Variants in SF1 observed in about 807,000 individuals in gnomAD.
The protein encoded by SF1 is splicing factor 1.
SF1 carries 7 observed loss-of-function variants against 62.5 expected under a neutral mutation model. The ratio of observed to expected loss-of-function variants is 0.11; its 90% CI spans 0.06 to 0.21. The LOEUF (loss-of-function observed/expected upper bound fraction) is 0.21. Ranked by LOEUF, SF1 falls within the 10% of genes least tolerant of loss-of-function variation. The probability of loss-of-function intolerance (pLI) is 1.00; values close to 1 mark genes in which losing one functional copy is unlikely to be tolerated. For missense variants in SF1, 578 were observed against 884.0 expected, an observed-to-expected ratio of 0.65 and a Z score of 4.39; for synonymous variants, 394 against 323.6, an observed-to-expected ratio of 1.22 and a Z score of -2.33.
At position 64,767,735 on chromosome 11, in the gene SF1, C is replaced by T. The variant is rs761350580; in HGVS notation, c.1178G>A (p.Gly393Asp). 4.3e-6 allele frequency: 7 copies of T among 1,612,748 alleles called. No individual in the cohort carries two copies. The highest frequency in any genetic ancestry group is 5.9e-6 in the Non-Finnish European group (7 of 1,179,500). The change falls in exon 10 of 13, where the codon GGC becomes GAC. Residue 393 changes from glycine (G) to aspartate (D), a missense_variant. Around this residue, in one of 7 missense-constraint regions of SF1, gnomAD observed 410 missense variants for 452.4 expected, o/e 0.91. Transcript: ENST00000377390. Reference protein sequence around the residue: ...HGGGPGGPGGGPHSFPHPLPS... With the variant: ...HGGGPGGPGGDPHSFPHPLPS... ...TAATGGGTGTGGGAAGCTGTGGGGG[C>T]CACCTCCGGGCCCACCAGGACCACC...
At chr11:64,777,521 C>T (rs1271398869) in intron 1 of SF1, 3 of 985,388 alleles carry the variant, frequency 3.0e-6, no homozygotes, top group African/African-American at 1.7e-5. Flanking sequence ...AAAACCCTGC[C>T]TTGCTGTAGA....
At chr11:64,767,100 A>G (rs1373630574) in intron 11 of SF1, 21 bp from the exon 12 acceptor site, 1 of 1,605,770 alleles carries the variant, frequency 6.2e-7, no homozygotes, top group South Asian at 1.1e-5. Flanking sequence ...GTGGAGGCAA[A>G]GATGAGGCCT....
intron 2 of SF1, among the ~76,000 whole-genome samples, chr11:64,775,819 C>CAAAT (rs1356216637): frequency 1.3e-5 from 2 of 152,166 alleles, no homozygotes; most frequent in Non-Finnish European, 2.9e-5. Flanking sequence ...AACCTCCCAG[C>CAAAT]AAATAAAACC....
At chr11:64,773,105 G>C (rs1196047474) in intron 3 of SF1, 1 of 1,168,246 alleles carries the variant, frequency 8.6e-7, no homozygotes, top group Non-Finnish European at 1.1e-6. Flanking sequence ...GGCCAAAGCA[G>C]GTACTGAAAA....
intron 3 of SF1, chr11:64,771,551 T>C: frequency 1.0e-6 from 1 of 985,444 alleles, no homozygotes; most frequent in African/African-American, 1.7e-5. Flanking sequence ...AAGGGAACCA[T>C]GTCACACCAC....
At chr11:64,767,881 C>T (rs1443395387) in intron 9 of SF1, 37 bp from the exon 10 acceptor site, 19 of 1,599,596 alleles carry the variant, frequency 1.2e-5, no homozygotes, top group South Asian at 3.4e-5. Flanking sequence ...TCCCTGCCTG[C>T]GCCTCCTAGT....
intron 1 of SF1, chr11:64,778,117 G>A (rs1037623533): frequency 2.5e-5 from 21 of 854,248 alleles, no homozygotes; most frequent in Non-Finnish European, 3.0e-5. Context: ...ACGAGGCGCC[G>A]GGGGACGGTG....
rs892280132 is a variant in SF1, at chr11:64,764,675, C to T, written c.*1143G>A. 1 of 152,438 alleles carries T rather than the reference C, an allele frequency of 6.6e-6. No individual in the cohort carries two copies. Among genetic ancestry groups the T allele is most frequent in the Non-Finnish European group, 1.5e-5 (1 of 68,048 alleles). 9.4% of individuals were successfully genotyped at this position (152,438 alleles called of 1,614,324 possible). A position where few individuals can be genotyped will look rare whatever the true frequency, so the allele number is the denominator to read the frequency against. Reference sequence around the variant, plus strand: ...TTTAGCGCAGTGTTGAATCTAACACCGAAAAAAGCCCAGAGAAATTTCTGC... The same window carrying T: ...TTTAGCGCAGTGTTGAATCTAACACTGAAAAAAGCCCAGAGAAATTTCTGC... On this transcript the variant is annotated 3_prime_UTR_variant, in exon 13 of 13. Transcript: ENST00000377390.
chr11:64,776,768 GA>G, intron 1 of SF1, 142 bp from the exon 2 acceptor site: 1 of 754,748 alleles, frequency 1.3e-6, no homozygotes, highest in Non-Finnish European at 2.1e-6. Context: ...TAAAAAAACA[GA>G]AAACAAACCT....
At chr11:64,766,780 A>G in intron 12 of SF1, 120 bp downstream of exon 12, 1 of 745,746 alleles carries the variant, frequency 1.3e-6, no homozygotes, top group Non-Finnish European at 2.0e-6. Flanking sequence ...TCTGTTTACA[A>G]CCCCAGCAGA....
chr11:64,775,209 G>A (rs1938994394), intron 2 of SF1, among the ~76,000 whole-genome samples: 1 of 151,910 alleles, frequency 6.6e-6, no homozygotes, highest in Non-Finnish European at 1.5e-5. Context: ...ATTCTCTTCT[G>A]TGGAGAACTA....
chr11:64,778,138 C>T (rs1384041648), intron 1 of SF1: 2 of 768,430 alleles, frequency 2.6e-6, no homozygotes, highest in Non-Finnish European at 3.2e-6. Context: ...GCGGTGGAGG[C>T]GGCGGCGGCT....
In SF1 at chr11:64,765,418, A is replaced by G; in HGVS notation, c.*400T>C. ...GCTGCTTTGCCGAACCATCCTGTCCACCAGGGGCGTTGCTGAGGCTGTCTG... is the reference window on the plus strand; with the variant it reads ...GCTGCTTTGCCGAACCATCCTGTCCGCCAGGGGCGTTGCTGAGGCTGTCTG... On this transcript the variant is annotated 3_prime_UTR_variant, in exon 13 of 13. Coordinates refer to ENST00000377390, the MANE Select transcript of SF1 (RefSeq NM_004630.4). The G allele has an allele frequency of 6.7e-7, 1 of 1,494,804 alleles. No homozygotes were observed. Among genetic ancestry groups the G allele is most frequent in the Non-Finnish European group, 9.3e-7 (1 of 1,071,442 alleles). 92.6% of individuals were successfully genotyped at this position (1,494,804 alleles called of 1,614,324 possible). A position where few individuals can be genotyped will look rare whatever the true frequency, so the allele number is the denominator to read the frequency against.
At chr11:64,773,786 A>C (rs1388776918) in intron 2 of SF1, among the ~76,000 whole-genome samples, 1 of 152,232 alleles carries the variant, frequency 6.6e-6, no homozygotes, top group African/African-American at 2.4e-5. Flanking sequence ...GCTAACATCC[A>C]AGCAATTATT....
In SF1 at chr11:64,768,400, A is replaced by G. The variant is rs1592465111; in HGVS notation, c.888-114T>C. 3.2e-6 allele frequency: 3 copies of G among 939,126 alleles called. No homozygotes were observed. The East Asian group carries it at 7.5e-5, about 24-fold the overall frequency. The allele number at this position is 939,126 out of a possible 1,614,324, so 58.2% of individuals were successfully genotyped here. On this transcript the variant is annotated intron_variant, in intron 8 of 12. Transcript: ENST00000377390. ...TTCTGAAGAATTCAATCACCAGATC[A>G]TCACACATCTTTCTAACCCCTTACT...
chr11:64,765,563 G>A lies in SF1; in HGVS notation c.*255C>T. Reference sequence around the variant, plus strand: ...AGAGGCAAAGGGAGTTGGGTGAGGAGAGAAAGAAGACAAAGAAGACACTCG... The same window carrying A: ...AGAGGCAAAGGGAGTTGGGTGAGGAAAGAAAGAAGACAAAGAAGACACTCG... On this transcript the variant is annotated 3_prime_UTR_variant, in exon 13 of 13. Transcript: ENST00000377390. 6.4e-7 allele frequency: 1 copy of A among 1,569,486 alleles called. No homozygotes were observed. Among genetic ancestry groups the A allele is most frequent in the Admixed American group, 1.9e-5 (1 of 51,638 alleles).
intron 2 of SF1, 132 bp downstream of exon 2, chr11:64,776,366 G>A (rs1165695270): frequency 1.1e-5 from 11 of 980,668 alleles, no homozygotes; most frequent in Non-Finnish European, 1.7e-5. Flanking sequence ...ACTGACAGAT[G>A]ATACCAAAGT....
intron 2 of SF1, 33 bp downstream of exon 2, chr11:64,776,465 C>T (rs755404144): frequency 6.4e-7 from 1 of 1,568,104 alleles, no homozygotes; most frequent in Admixed American, 2.0e-5. Context: ...GTAACAATCT[C>T]AAAGTGCATT....
intron 3 of SF1, 128 bp downstream of exon 3, chr11:64,773,302 C>A: frequency 2.0e-6 from 3 of 1,473,090 alleles, no homozygotes; most frequent in East Asian, 2.7e-5. Context: ...ACCTTAATCC[C>A]CAAAGTGGTC....
Sources: allele counts gnomAD v4.1 joint callset (sites outside exome capture counted in the v4.1 genomes callset), GRCh38; gene constraint gnomAD v4.1.1; regional missense constraint gnomAD v4.1.1; transcripts MANE v1.5; gene names NCBI Gene and HGNC (gene_info 2026-07-23, HGNC 2026-07-21).